Variants in CLVS1 observed in about 807,000 individuals in gnomAD.
The protein encoded by CLVS1 is clavesin 1.
CLVS1 carries 10 observed loss-of-function variants against 33.1 expected under a neutral mutation model. The ratio of observed to expected loss-of-function variants is 0.30; its 90% confidence interval spans 0.19 to 0.51. The LOEUF is 0.51. Ranked by LOEUF, CLVS1 falls within the 20% of genes least tolerant of loss-of-function variation. CLVS1 has a pLI of 0.97. For synonymous variants in CLVS1, 163 were observed against 166.1 expected, an observed-to-expected ratio of 0.98 and a Z score of 0.14; for missense variants, 343 against 433.4, an observed-to-expected ratio of 0.79 and a Z score of 1.85.
chr8:61,242,871 T>A (rs1373270160), intron 2 of CLVS1, among the ~76,000 whole-genome samples: 1 of 152,232 alleles, frequency 6.6e-6, no homozygotes, highest in Non-Finnish European at 1.5e-5. Flanking sequence ...TCTTTCATTG[T>A]GAACATATTA....
intron 3 of CLVS1, among the ~76,000 whole-genome samples, chr8:61,443,703 A>C: frequency 1.3e-5 from 2 of 152,144 alleles, no homozygotes; most frequent in East Asian, 1.9e-4. Context: ...CTTTTTCAAA[A>C]TTATTTTAAC....
intron 5 of CLVS1, among the ~76,000 whole-genome samples, chr8:61,478,247 A>C (rs566806339): frequency 1.7e-3 from 265 of 152,238 alleles, no homozygotes; most frequent in Non-Finnish European, 2.7e-3. Flanking sequence ...CTATGTGGTC[A>C]ATTTTGGAAT....
chr8:61,135,926 G>A (rs866480100), intron 2 of CLVS1, among the ~76,000 whole-genome samples: 1 of 152,218 alleles, frequency 6.6e-6, no homozygotes, highest in Non-Finnish European at 1.5e-5. Flanking sequence ...GTGCCCTCTC[G>A]GGCTCTCCGG....
chr8:61,315,035 T>A (rs1810964402), intron 2 of CLVS1, among the ~76,000 whole-genome samples: 3 of 152,184 alleles, frequency 2.0e-5, no homozygotes, highest in Admixed American at 2.0e-4. Flanking sequence ...ATGAAGTATC[T>A]TCCACTGCAG....
At chr8:61,378,439 A>C (rs1467751935) in intron 3 of CLVS1, 1 of 152,208 alleles carries the variant, frequency 6.6e-6, no homozygotes. Flanking sequence ...TATATAAATC[A>C]AAGCTATTCT....
the CLVS1 span, chr8:60,966,427 G>A: frequency 6.6e-6 from 3 of 454,852 alleles, no homozygotes; most frequent in Admixed American, 4.8e-5. Flanking sequence ...TCACTGCTAT[G>A]GCGGGTGGAA....
upstream of CLVS1, chr8:61,287,955 G>T: frequency 2.6e-6 from 1 of 383,546 alleles, no homozygotes; most frequent in South Asian, 1.9e-5. Context: ...GAAGGACAGA[G>T]AATCGGGCGC....
intron 3 of CLVS1, among the ~76,000 whole-genome samples, chr8:61,445,636 T>A (rs1362562197): frequency 6.6e-6 from 1 of 152,186 alleles, no homozygotes; most frequent in Non-Finnish European, 1.5e-5. Flanking sequence ...TGATCTCAGG[T>A]ATTTCTAGCA....
At chr8:61,452,535 G>A (rs1816999935) in intron 3 of CLVS1, among the ~76,000 whole-genome samples, 2 of 152,150 alleles carry the variant, frequency 1.3e-5, no homozygotes, top group Non-Finnish European at 2.9e-5. Flanking sequence ...ACACTTTCGG[G>A]AATGGTCTCT....
In CLVS1 at chr8:61,501,380, T is replaced by C. The variant is rs1804903064; in HGVS notation, c.*1838T>C. 6.6e-6 allele frequency: 1 copy of C among 152,164 alleles called. No individual in the cohort carries two copies. The highest frequency in any genetic ancestry group is 6.5e-5 in the Admixed American group (1 of 15,276). 9.4% of individuals were successfully genotyped at this position (152,164 alleles called of 1,614,324 possible). A position where few individuals can be genotyped will look rare whatever the true frequency, so the allele number is the denominator to read the frequency against. ...GGCAATACTTAGAACCTTACTGTAG[T>C]GACCTGATTTTAAATACCATATTAT... is the stretch of plus-strand genomic sequence containing the variant. On this transcript the variant is annotated 3_prime_UTR_variant, in exon 6 of 6. Transcript: ENST00000325897.
chr8:61,043,964 C>T, the CLVS1 span, among the ~76,000 whole-genome samples: 8 of 152,170 alleles, frequency 5.3e-5, no homozygotes, highest in Admixed American at 1.3e-4. Flanking sequence ...GCAGCCACTT[C>T]TACTCAGAAA....
chr8:60,998,851 G>A, the CLVS1 span, among the ~76,000 whole-genome samples: 5 of 152,236 alleles, frequency 3.3e-5, no homozygotes, highest in East Asian at 1.9e-4. Flanking sequence ...TTGGGCTGCC[G>A]GACTCTGTCT....
intron 3 of CLVS1, among the ~76,000 whole-genome samples, chr8:61,406,676 C>T (rs1189665671): frequency 2.0e-5 from 3 of 151,892 alleles, no homozygotes; most frequent in Non-Finnish European, 2.9e-5. Context: ...GGCACAGTCT[C>T]GGCTCACTGC....
At chr8:61,307,600 C>CA (rs1174514673) in intron 2 of CLVS1, among the ~76,000 whole-genome samples, 1 of 151,914 alleles carries the variant, frequency 6.6e-6, no homozygotes, top group African/African-American at 2.4e-5. Context: ...ACCCACAATG[C>CA]AAAAAAATTC....
chr8:61,154,977 T>G (rs549808099), intron 2 of CLVS1, among the ~76,000 whole-genome samples: 8 of 152,176 alleles, frequency 5.3e-5, no homozygotes, highest in African/African-American at 1.9e-4. Flanking sequence ...CCCATGTGAG[T>G]AGGTGTGTGT....
intron 2 of CLVS1, among the ~76,000 whole-genome samples, chr8:61,220,781 C>T (rs1808192992): frequency 6.6e-6 from 1 of 152,030 alleles, no homozygotes. Flanking sequence ...ATTGATTCTT[C>T]CTATCCATGA....
At chr8:61,272,019 A>G (rs550279137) in intron 2 of CLVS1, among the ~76,000 whole-genome samples, 51 of 150,888 alleles carry the variant, frequency 3.4e-4, no homozygotes, top group Non-Finnish European at 6.2e-4. Flanking sequence ...GTTATGTGTG[A>G]ATTTGATCCT....
the CLVS1 span, among the ~76,000 whole-genome samples, chr8:61,021,627 G>T: frequency 3.9e-4 from 60 of 152,076 alleles, 1 homozygote; most frequent in Admixed American, 3.3e-4. Flanking sequence ...CTCCCAAAGT[G>T]CTGGGATTAC....
At chr8:61,170,384 C>T in intron 2 of CLVS1, among the ~76,000 whole-genome samples, 1 of 152,086 alleles carries the variant, frequency 6.6e-6, no homozygotes, top group East Asian at 1.9e-4. Flanking sequence ...GTCTCTCTGC[C>T]TCTAATATTG....
Sources: allele counts gnomAD v4.1 joint callset (sites outside exome capture counted in the v4.1 genomes callset), GRCh38; gene constraint gnomAD v4.1.1; transcripts MANE v1.5; gene names NCBI Gene and HGNC (gene_info 2026-07-23, HGNC 2026-07-21).